SAMD5: variants seen among roughly 807,000 people sequenced by gnomAD.
SAMD5 encodes the protein sterile alpha motif domain-containing protein 5.
Under a neutral mutation model 11.3 loss-of-function variants are expected in SAMD5, and 13 were observed. The observed-to-expected ratio is 1.15, with a 90% CI of 0.75 to 1.83. SAMD5 has a LOEUF of 1.83. SAMD5 is among the 40% of genes most tolerant of loss of function. The pLI is 0.00. For synonymous variants in SAMD5, 129 were observed against 111.3 expected (o/e 1.16, Z -1.00); for missense variants, 255 against 239.1 (o/e 1.07, Z -0.44).
intron 1 of SAMD5, among the ~76,000 whole-genome samples, chr6:147,640,197 G>T (rs914201759): frequency 1.3e-5 from 2 of 151,792 alleles, no homozygotes; most frequent in Non-Finnish European, 2.9e-5. Flanking sequence ...GTGGTGGCAC[G>T]TGCCTGTGGT....
chr6:147,726,619 G>A (rs1186079965), intron 1 of SAMD5, among the ~76,000 whole-genome samples: 1 of 152,204 alleles, frequency 6.6e-6, no homozygotes, highest in East Asian at 1.9e-4. Flanking sequence ...AGGGTGTGGG[G>A]GTTAAGAGCA....
intron 1 of SAMD5, among the ~76,000 whole-genome samples, chr6:147,659,069 A>C (rs17258584): frequency 0.41 from 62,612 of 152,064 alleles, 14,882 homozygotes; most frequent in Middle Eastern, 0.54. Flanking sequence ...TTCCTTACAG[A>C]AAACACTGCA....
chr6:147,651,649 C>T (rs1170121781), intron 1 of SAMD5, among the ~76,000 whole-genome samples: 1 of 152,208 alleles, frequency 6.6e-6, no homozygotes, highest in East Asian at 1.9e-4. Flanking sequence ...ACCCTGATCT[C>T]TGATTCCCCA....
chr6:147,586,847 T>C (rs1474042116), intron 1 of SAMD5, among the ~76,000 whole-genome samples: 1 of 152,098 alleles, frequency 6.6e-6, no homozygotes, highest in Admixed American at 6.5e-5. Context: ...CTCACTTTTC[T>C]CTTTCTCTGA....
chr6:147,809,270 A>G, the SAMD5 span, among the ~76,000 whole-genome samples: 5 of 152,056 alleles, frequency 3.3e-5, no homozygotes, highest in Admixed American at 1.3e-4. Context: ...TTATGTGGAA[A>G]TTGAGATATT....
At chr6:147,597,450 T>G (rs2128447784) in intron 1 of SAMD5, among the ~76,000 whole-genome samples, 1 of 152,196 alleles carries the variant, frequency 6.6e-6, no homozygotes, top group East Asian at 1.9e-4. Flanking sequence ...TTACTTGAGG[T>G]TATCCTTCTC....
chr6:147,856,477 A>G, the SAMD5 span, among the ~76,000 whole-genome samples: 1 of 152,232 alleles, frequency 6.6e-6, no homozygotes, highest in Non-Finnish European at 1.5e-5. Flanking sequence ...GTTACAAAGT[A>G]GCCATATAAG....
At chr6:147,912,495 A>G in the SAMD5 span, among the ~76,000 whole-genome samples, 3 of 152,212 alleles carry the variant, frequency 2.0e-5, no homozygotes, top group Non-Finnish European at 4.4e-5. Context: ...TAGAGCATAA[A>G]AGGGTAAAAA....
At chr6:147,872,573 G>C in the SAMD5 span, among the ~76,000 whole-genome samples, 1 of 152,138 alleles carries the variant, frequency 6.6e-6, no homozygotes. Context: ...ACATTGCTAG[G>C]GGGAGGCAAG....
At chr6:147,622,373 T>A (rs554683856) in intron 1 of SAMD5, among the ~76,000 whole-genome samples, 1 of 152,362 alleles carries the variant, frequency 6.6e-6, no homozygotes, top group South Asian at 2.1e-4. Context: ...TGTGGTTTTT[T>A]GAAAAAATAT....
At chr6:147,838,625 TTCAG>T in the SAMD5 span, among the ~76,000 whole-genome samples, 1 of 150,108 alleles carries the variant, frequency 6.7e-6, no homozygotes, top group Non-Finnish European at 1.5e-5. Context: ...TCTGAGTTAG[TTCAG>T]TCAATCTTAC....
chr6:147,879,041 C>G, the SAMD5 span, among the ~76,000 whole-genome samples: 36,822 of 152,142 alleles, frequency 0.24, 4,551 homozygotes, highest in Non-Finnish European at 0.28. Flanking sequence ...TAAGGAAGGA[C>G]TTGGATATTG....
chr6:147,526,260 T>C (rs1036300315), intron 1 of SAMD5, among the ~76,000 whole-genome samples: 1 of 152,254 alleles, frequency 6.6e-6, no homozygotes, highest in Non-Finnish European at 1.5e-5. Flanking sequence ...ATTACGTGAT[T>C]ATTAATTAAT....
chr6:147,627,051 G>GAACT (rs1260130830), intron 1 of SAMD5, among the ~76,000 whole-genome samples: 3 of 152,154 alleles, frequency 2.0e-5, no homozygotes, highest in African/African-American at 7.2e-5. Flanking sequence ...AATGGCCTTA[G>GAACT]AACTACTCAG....
chr6:147,745,502 T>C, the SAMD5 span, among the ~76,000 whole-genome samples: 1 of 152,132 alleles, frequency 6.6e-6, no homozygotes, highest in Non-Finnish European at 1.5e-5. Flanking sequence ...GATGATAATA[T>C]GGGCCCAATC....
intron 1 of SAMD5, among the ~76,000 whole-genome samples, chr6:147,619,083 A>C (rs1321827670): frequency 6.6e-6 from 1 of 152,274 alleles, no homozygotes; most frequent in Middle Eastern, 3.4e-3. Flanking sequence ...GAGCCGCAGC[A>C]CCCGGCCTTT....
At chr6:147,756,357 T>A in the SAMD5 span, among the ~76,000 whole-genome samples, 26 of 152,160 alleles carry the variant, frequency 1.7e-4, no homozygotes, top group African/African-American at 6.3e-4. Flanking sequence ...CAAATCAAAT[T>A]ATAATTTGAT....
the SAMD5 span, among the ~76,000 whole-genome samples, chr6:147,944,451 T>C: frequency 5.3e-5 from 8 of 152,146 alleles, no homozygotes; most frequent in Non-Finnish European, 8.8e-5. Context: ...TTATTCACTA[T>C]CATGAGAACA....
At chr6:147,844,951 T>C in the SAMD5 span, among the ~76,000 whole-genome samples, 2 of 152,174 alleles carry the variant, frequency 1.3e-5, no homozygotes, top group East Asian at 3.9e-4. Flanking sequence ...TTAATAATAA[T>C]GTGTTGTATA....
Sources: allele counts gnomAD v4.1 joint callset (sites outside exome capture counted in the v4.1 genomes callset), GRCh38; gene constraint gnomAD v4.1.1; transcripts MANE v1.5; gene names NCBI Gene and HGNC (gene_info 2026-07-23, HGNC 2026-07-21).